The following ANXA4 variants were observed in gnomAD, a reference collection of about 807,000 sequenced individuals.
The protein encoded by ANXA4 is 35-beta calcimedin.
In ANXA4, 39 loss-of-function variants were observed where a neutral mutation model predicts 49.8. That is an observed-to-expected ratio of 0.78 (90% confidence interval 0.61 to 1.02). The LOEUF (loss-of-function observed/expected upper bound fraction) is 1.02, where lower values mean the gene tolerates loss of function less well. Among genes scored for constraint, ANXA4 ranks in the 50% least tolerant of loss-of-function variants. ANXA4 has a pLI of 0.00. For missense variants in ANXA4, 360 were observed against 410.1 expected, an observed-to-expected ratio of 0.88 and a Z score of 1.05; for synonymous variants, 134 against 152.5, an observed-to-expected ratio of 0.88 and a Z score of 0.89.
At chr2:69,727,113 A>G (rs1365812907) in intron 3 of ANXA4, among the ~76,000 whole-genome samples, 1 of 152,146 alleles carries the variant, frequency 6.6e-6, no homozygotes, top group Non-Finnish European at 1.5e-5. Context: ...GGCTCAAGCA[A>G]TCCTCCCACC....
Position 69,709,790 on chromosome 2 carries a change from G to A in ANXA4, n.767-10984G>A, listed in dbSNP as rs374398187. Among the ~76,000 whole-genome samples the A allele has an allele frequency of 1.4e-4, 22 of 152,244 alleles. No homozygotes were observed. In the East Asian group the frequency reaches 3.9e-3, roughly 27 times the overall value. ...TATTAATAGTATCACGAATCATTAT[G>A]CAAGCCAGGTGTGCTTGTAAGGGAA... is the stretch of plus-strand genomic sequence containing the variant. On this transcript the variant is annotated intron_variant and non_coding_transcript_variant, in intron 2 of 3. Transcript: ENST00000418066.
chr2:69,726,054 C>G (rs531786819), intron 3 of ANXA4, among the ~76,000 whole-genome samples: 6 of 152,248 alleles, frequency 3.9e-5, no homozygotes, highest in Non-Finnish European at 7.4e-5. Context: ...TGGTTTTGCT[C>G]TGGGTGCTCT....
At chr2:69,687,658 AAG>A (rs1459754697) in intron 2 of ANXA4, among the ~76,000 whole-genome samples, 1 of 152,110 alleles carries the variant, frequency 6.6e-6, no homozygotes, top group Non-Finnish European at 1.5e-5. Context: ...CACGCATCAA[AAG>A]AGGGGATGGG....
chr2:69,770,672 A>G (rs1270705949), intron 1 of ANXA4, among the ~76,000 whole-genome samples: 1 of 152,178 alleles, frequency 6.6e-6, no homozygotes, highest in Non-Finnish European at 1.5e-5. Flanking sequence ...CTCTCTCAGC[A>G]CGACAAGAAA....
intron 2 of ANXA4, among the ~76,000 whole-genome samples, chr2:69,678,760 C>G (rs1352699768): frequency 1.3e-5 from 2 of 152,052 alleles, no homozygotes; most frequent in Admixed American, 6.6e-5. Context: ...ATAATAAGAC[C>G]TAATATTCAC....
At chr2:69,688,138 A>T (rs1399062608) in intron 2 of ANXA4, among the ~76,000 whole-genome samples, 1 of 152,156 alleles carries the variant, frequency 6.6e-6, no homozygotes, top group East Asian at 1.9e-4. Flanking sequence ...TTAGGCTGTA[A>T]GTTTCCCTTT....
intron 2 of ANXA4, among the ~76,000 whole-genome samples, chr2:69,699,510 G>A (rs2105386624): frequency 1.3e-5 from 2 of 152,214 alleles, no homozygotes; most frequent in East Asian, 1.9e-4. Flanking sequence ...AGGCGTGGTG[G>A]TGTGAACCCG....
chr2:69,660,686 A>G (rs2105322880), intron 2 of ANXA4, among the ~76,000 whole-genome samples: 1 of 152,250 alleles, frequency 6.6e-6, no homozygotes, highest in Middle Eastern at 3.4e-3. Context: ...TTTAAAGCAA[A>G]TGGTTAAATA....
intron 1 of ANXA4, among the ~76,000 whole-genome samples, chr2:69,652,627 G>A (rs1461650330): frequency 6.6e-6 from 1 of 152,164 alleles, no homozygotes; most frequent in African/African-American, 2.4e-5. Context: ...GGGAGGCTGA[G>A]GCAGGCAGAT....
chr2:69,786,647 C>A (rs545908013), intron 2 of ANXA4, among the ~76,000 whole-genome samples: 1 of 152,058 alleles, frequency 6.6e-6, no homozygotes, highest in South Asian at 2.1e-4. Context: ...TAAACATATA[C>A]AAAAGTAAAC....
Position 69,826,936 on chromosome 2 carries a change from A to G in ANXA4, c.*1421A>G, listed in dbSNP as rs1427289968. ...CTACAGGAATTACAAGATAAGAAAAAAAAAATCATATTTAGTCTTATGCGT... is the reference window on the plus strand; with the variant it reads ...CTACAGGAATTACAAGATAAGAAAAGAAAAATCATATTTAGTCTTATGCGT... On this transcript the variant is annotated 3_prime_UTR_variant, in exon 13 of 13. Transcript: ENST00000394295. 3 of 152,224 alleles carry G rather than the reference A, an allele frequency of 2.0e-5. No homozygotes were observed. The highest frequency in any genetic ancestry group is 1.9e-4 in the East Asian group (1 of 5,208). 9.4% of individuals were successfully genotyped at this position (152,224 alleles called of 1,614,324 possible). A position where few individuals can be genotyped will look rare whatever the true frequency, so the allele number is the denominator to read the frequency against.
chr2:69,682,469 C>T (rs947563854), intron 2 of ANXA4, among the ~76,000 whole-genome samples: 2 of 152,116 alleles, frequency 1.3e-5, no homozygotes, highest in Non-Finnish European at 2.9e-5. Flanking sequence ...TACATGTTTA[C>T]AGTACCTCAT....
chr2:69,807,994 A>C lies in ANXA4; in HGVS notation c.395A>C (p.Gln132Pro), dbSNP rs1673521553. 2.5e-6 allele frequency: 4 copies of C among 1,613,910 alleles called. No individual in the cohort carries two copies. The East Asian group carries it at 8.9e-5, about 36-fold the overall frequency. The part of the protein sequence containing the change: ...EIRRISQTYQ[Q>P]QYGRSLEDDI... Reference sequence around the variant, plus strand: ...CGGCGCATAAGCCAAACCTACCAGCAGCGTACGTGACATCCGCAGTGGCCC... The same window carrying C: ...CGGCGCATAAGCCAAACCTACCAGCCGCGTACGTGACATCCGCAGTGGCCC... Residue 132 changes from glutamine (Q) to proline (P), a missense_variant and splice_region_variant, in exon 6 of 13, where the codon CAG (glutamine) becomes CCG (proline). Physicochemically the swap from Gln to Pro is moderately conservative, Grantham distance 76 (BLOSUM62 -1). Coordinates refer to ENST00000394295, the MANE Select transcript of ANXA4 (RefSeq NM_001153.5).
intron 2 of ANXA4, among the ~76,000 whole-genome samples, chr2:69,786,642 A>T (rs990597661): frequency 6.6e-6 from 1 of 152,174 alleles, no homozygotes. Context: ...AACTTTAAAC[A>T]TATACAAAAG....
At chr2:69,773,002 C>T (rs1463805328) in intron 1 of ANXA4, among the ~76,000 whole-genome samples, 2 of 150,308 alleles carry the variant, frequency 1.3e-5, no homozygotes, top group South Asian at 2.1e-4. Context: ...GGCAACAGAG[C>T]GAGACTGTCT....
At chr2:69,736,833 G>A (rs945133212) in intron 3 of ANXA4, among the ~76,000 whole-genome samples, 5 of 152,092 alleles carry the variant, frequency 3.3e-5, no homozygotes, top group South Asian at 2.1e-4. Flanking sequence ...ACAGAGTCTC[G>A]CTCTATCACT....
At chr2:69,751,885 A>G (rs1236728878) in intron 1 of ANXA4, among the ~76,000 whole-genome samples, 1 of 152,200 alleles carries the variant, frequency 6.6e-6, no homozygotes, top group Non-Finnish European at 1.5e-5. Context: ...TATTTATTAT[A>G]TATGTAAGTG....
intron 1 of ANXA4, among the ~76,000 whole-genome samples, chr2:69,748,407 G>C (rs1425424186): frequency 1.3e-5 from 2 of 150,914 alleles, no homozygotes; most frequent in Admixed American, 6.6e-5. Flanking sequence ...AAAAATGAGA[G>C]AAAAGGCACA....
chr2:69,661,611 G>GA (rs1297579415), intron 2 of ANXA4, among the ~76,000 whole-genome samples: 7 of 152,104 alleles, frequency 4.6e-5, no homozygotes, highest in Non-Finnish European at 1.0e-4. Context: ...GAAGAAGAGA[G>GA]AAAAAATAAT....
Sources: gnomAD v4.1 joint callset for allele counts (sites outside exome capture counted in the v4.1 genomes callset) on GRCh38, gnomAD v4.1.1 for gene constraint, MANE v1.5 for transcripts, NCBI Gene and HGNC (gene_info 2026-07-23, HGNC 2026-07-21) for gene names.